PPM1L: variants seen among roughly 807,000 people sequenced by gnomAD.
PPM1L encodes the protein protein phosphatase, Mg2+/Mn2+ dependent 1L.
A neutral mutation model predicts 31.4 loss-of-function variants in PPM1L; 13 were observed. The observed-to-expected ratio is 0.41, with a 90% CI of 0.27 to 0.66. The LOEUF is 0.66. Among genes scored for constraint, PPM1L ranks in the 30% least tolerant of loss-of-function variants. PPM1L has a pLI of 0.29. For missense variants in PPM1L, 326 were observed against 453.7 expected, an observed-to-expected ratio of 0.72 and a Z score of 2.56; for synonymous variants, 184 against 175.4, an observed-to-expected ratio of 1.05 and a Z score of -0.39.
intron 2 of PPM1L, among the ~76,000 whole-genome samples, chr3:161,027,753 G>A (rs1718448311): frequency 6.6e-6 from 1 of 152,154 alleles, no homozygotes; most frequent in South Asian, 2.1e-4. Flanking sequence ...AATCTAAGGA[G>A]CACCAAAAGT....
At chr3:160,813,335 C>CTTTAT (rs1251130545) in intron 1 of PPM1L, among the ~76,000 whole-genome samples, 3 of 151,836 alleles carry the variant, frequency 2.0e-5, no homozygotes, top group Non-Finnish European at 4.4e-5. Flanking sequence ...ATATGCATTA[C>CTTTAT]TTTATTTTAT....
chr3:160,807,142 A>G (rs988573029), intron 1 of PPM1L, among the ~76,000 whole-genome samples: 1 of 152,166 alleles, frequency 6.6e-6, no homozygotes, highest in African/African-American at 2.4e-5. Flanking sequence ...AAAGAAAAGC[A>G]ATTTCCCCTG....
chr3:161,045,897 G>A (rs1719046895), intron 2 of PPM1L, among the ~76,000 whole-genome samples: 1 of 151,456 alleles, frequency 6.6e-6, no homozygotes, highest in Admixed American at 6.6e-5. Context: ...GGATCACGAG[G>A]TCAGGAGATC....
At chr3:161,003,503 C>T (rs1340004060) in intron 2 of PPM1L, among the ~76,000 whole-genome samples, 2 of 151,452 alleles carry the variant, frequency 1.3e-5, no homozygotes, top group Non-Finnish European at 3.0e-5. Flanking sequence ...TTTGTATCCT[C>T]TTTTATTTCG....
intron 2 of PPM1L, among the ~76,000 whole-genome samples, chr3:161,039,796 G>A (rs1043919749): frequency 6.6e-6 from 1 of 152,168 alleles, no homozygotes; most frequent in Non-Finnish European, 1.5e-5. Flanking sequence ...GATTACAGGC[G>A]TGAGCCACTG....
chr3:160,808,825 C>T (rs1712721292), intron 1 of PPM1L, among the ~76,000 whole-genome samples: 2 of 152,216 alleles, frequency 1.3e-5, no homozygotes, highest in Admixed American at 6.5e-5. Context: ...TCTCTTCCCT[C>T]CTCCCATCTT....
chr3:160,790,239 C>T (rs1285755925), intron 1 of PPM1L, among the ~76,000 whole-genome samples: 1 of 152,026 alleles, frequency 6.6e-6, no homozygotes, highest in East Asian at 1.9e-4. Context: ...TGATATTACG[C>T]TGATAAATGA....
intron 1 of PPM1L, among the ~76,000 whole-genome samples, chr3:160,900,862 AG>A (rs1382621765): frequency 1.3e-5 from 2 of 152,182 alleles, no homozygotes; most frequent in Non-Finnish European, 1.5e-5. Flanking sequence ...CTGTGTCATC[AG>A]TGACCTGCAT....
At chr3:161,067,315 C>CT (rs1719770233) in intron 3 of PPM1L, among the ~76,000 whole-genome samples, 1 of 152,218 alleles carries the variant, frequency 6.6e-6, no homozygotes, top group South Asian at 2.1e-4. Context: ...TCTAACCTCT[C>CT]TGTTCTTTTA....
intron 3 of PPM1L, among the ~76,000 whole-genome samples, chr3:161,066,837 T>C (rs1429410589): frequency 6.6e-6 from 1 of 152,236 alleles, no homozygotes; most frequent in African/African-American, 2.4e-5. Flanking sequence ...ATCAACATTT[T>C]AGTTTTCACA....
At chr3:160,776,108 C>A (rs1711552894) in intron 1 of PPM1L, among the ~76,000 whole-genome samples, 1 of 152,130 alleles carries the variant, frequency 6.6e-6, no homozygotes, top group Non-Finnish European at 1.5e-5. Flanking sequence ...TTTGTTTCTT[C>A]TACATTAACT....
chr3:160,811,032 GGCCCTGT>G (rs1712788696), intron 1 of PPM1L, among the ~76,000 whole-genome samples: 3 of 152,154 alleles, frequency 2.0e-5, no homozygotes, highest in Non-Finnish European at 2.9e-5. Context: ...ATTATGTTAT[GGCCCTGT>G]GAAGCAGTCA....
chr3:160,919,795 A>G (rs1334744209), intron 1 of PPM1L, among the ~76,000 whole-genome samples: 2 of 152,206 alleles, frequency 1.3e-5, no homozygotes, highest in African/African-American at 4.8e-5. Flanking sequence ...GTTTTGCATT[A>G]GGAAGTTAAT....
At chr3:160,933,644 C>T (rs1032208270) in intron 1 of PPM1L, among the ~76,000 whole-genome samples, 1 of 151,048 alleles carries the variant, frequency 6.6e-6, no homozygotes, top group Admixed American at 6.6e-5. Flanking sequence ...TTGCAGCATG[C>T]AAATAGAAAG....
At chr3:161,060,359 G>C (rs1261848895) in intron 2 of PPM1L, among the ~76,000 whole-genome samples, 3 of 152,162 alleles carry the variant, frequency 2.0e-5, no homozygotes, top group Non-Finnish European at 2.9e-5. Flanking sequence ...GCAAGGAAGG[G>C]AGTGGTGTGA....
At chr3:161,022,333 T>C (rs1268564891) in intron 2 of PPM1L, 1 of 401,080 alleles carries the variant, frequency 2.5e-6, no homozygotes, top group Non-Finnish European at 4.4e-6. Context: ...CATTATAATG[T>C]CATCAATAAT....
At chr3:160,993,701 G>A (rs2108045856) in intron 2 of PPM1L, among the ~76,000 whole-genome samples, 1 of 152,266 alleles carries the variant, frequency 6.6e-6, no homozygotes, top group Non-Finnish European at 1.5e-5. Context: ...CTAGACATGA[G>A]AACTGCAATA....
chr3:160,945,232 A>G (rs1179355779), intron 1 of PPM1L, among the ~76,000 whole-genome samples: 1 of 151,496 alleles, frequency 6.6e-6, no homozygotes, highest in African/African-American at 2.4e-5. Flanking sequence ...CCATGTGGTA[A>G]CTATCTTAGG....
At chr3:160,992,446 G>A (rs1381224327) in intron 2 of PPM1L, among the ~76,000 whole-genome samples, 1 of 152,114 alleles carries the variant, frequency 6.6e-6, no homozygotes, top group Non-Finnish European at 1.5e-5. Context: ...CCAACTAACA[G>A]AAATTCAATT....
Sources: allele counts gnomAD v4.1 joint callset (sites outside exome capture counted in the v4.1 genomes callset), GRCh38; gene constraint gnomAD v4.1.1; transcripts MANE v1.5; gene names NCBI Gene and HGNC (gene_info 2026-07-23, HGNC 2026-07-21).